Variants in ZBTB41 observed in about 807,000 individuals in gnomAD.
The protein encoded by ZBTB41 is zinc finger and BTB domain containing 41.
ZBTB41 carries 42 observed loss-of-function variants against 87.6 expected under a neutral mutation model. That is an observed-to-expected ratio of 0.48 (90% CI 0.37 to 0.62). The LOEUF is 0.62. Ranked by LOEUF, ZBTB41 falls within the 20% of genes least tolerant of loss-of-function variation. ZBTB41 has a pLI of 0.00. For synonymous variants in ZBTB41, 364 were observed against 364.0 expected (o/e 1.00, Z 0.00); for missense variants, 799 against 1,078.9 (o/e 0.74, Z 3.63).
chr1:197,188,294 A>C lies in ZBTB41; in HGVS notation c.1544T>G (p.Leu515Arg). The C allele has an allele frequency of 6.2e-7, 1 of 1,612,790 alleles. No individual in the cohort carries two copies. The highest frequency in any genetic ancestry group is 8.5e-7 in the Non-Finnish European group (1 of 1,179,666). The change falls in exon 5 of 11, where the codon CTG becomes CGG. Residue 515 changes from leucine to arginine, a missense_variant and splice_region_variant. Leu to Arg is a moderately radical substitution (Grantham distance 102, BLOSUM62 -2). Transcript: ENST00000367405. ...ARLKHQEKFH[L>R]GPFPCDICGR... ...TTAAGAAAAAGTAACTTGCTTACCCAGATGGAACTTTTCTTGATGCTTTAA... is the reference window on the plus strand; with the variant it reads ...TTAAGAAAAAGTAACTTGCTTACCCCGATGGAACTTTTCTTGATGCTTTAA...
rs1227194597 is a variant in ZBTB41 at position 197,156,969 on chromosome 1, T to G, written c.*2390A>C. ...CCTCAAATTCTTTATAAAGTGGGAA[T>G]ATAGCTTGTTTTTACTATTTCAGGG... On this transcript the variant is annotated 3_prime_UTR_variant, in exon 11 of 11. Coordinates refer to ENST00000367405, the MANE Select transcript of ZBTB41 (RefSeq NM_194314.3). The G allele has an allele frequency of 6.6e-6, 1 of 152,172 alleles. No individual in the cohort carries two copies. The highest frequency in any genetic ancestry group is 1.5e-5 in the Non-Finnish European group (1 of 67,696). 9.4% of individuals were successfully genotyped at this position (152,172 alleles called of 1,614,324 possible). A position where few individuals can be genotyped will look rare whatever the true frequency, so the allele number is the denominator to read the frequency against.
intron 2 of ZBTB41, among the ~76,000 whole-genome samples, chr1:197,193,897 T>A (rs1289139875): frequency 6.6e-6 from 1 of 152,244 alleles, no homozygotes; most frequent in East Asian, 1.9e-4. Flanking sequence ...GATTTTTTAA[T>A]AACTAAACTT....
rs149874901 is a variant in ZBTB41, at chr1:197,169,001, C to T, written c.2074+3159G>A. On this transcript the variant is annotated intron_variant, in intron 10 of 10. Coordinates refer to ENST00000367405, the MANE Select transcript of ZBTB41 (RefSeq NM_194314.3). The stretch of plus-strand genomic sequence containing the variant: ...AGAACAGGTATTCAACATCAATACT[C>T]ATCACAGAGGTGCAAATCGAAGCCA... 2.8e-3 allele frequency among the ~76,000 whole-genome samples: 427 copies of T among 152,028 alleles called. 2 individuals carry two copies. Among genetic ancestry groups the T allele is most frequent in the Non-Finnish European group, 4.4e-3 (300 of 67,914 alleles).
intron 10 of ZBTB41, among the ~76,000 whole-genome samples, chr1:197,163,052 A>T (rs1170707046): frequency 6.6e-6 from 1 of 152,218 alleles, no homozygotes; most frequent in Non-Finnish European, 1.5e-5. Flanking sequence ...ATACTGGGAG[A>T]CAGAGATTAG....
chr1:197,160,116 T>A, intron 10 of ZBTB41, 102 bp from the exon 11 acceptor site: 1 of 828,654 alleles, frequency 1.2e-6, no homozygotes, highest in Non-Finnish European at 1.9e-6. Context: ...TTGCCAGAAC[T>A]TGATAATAGC....
chr1:197,160,246 T>C (rs1659167404), intron 10 of ZBTB41, among the ~76,000 whole-genome samples: 1 of 152,124 alleles, frequency 6.6e-6, no homozygotes, highest in Non-Finnish European at 1.5e-5. Context: ...AGCCAAACAT[T>C]GAGCAAGCTA....
intron 10 of ZBTB41, among the ~76,000 whole-genome samples, chr1:197,169,222 C>A (rs1424439944): frequency 2.0e-5 from 3 of 151,624 alleles, no homozygotes; most frequent in African/African-American, 4.8e-5. Context: ...AATCCTAGGG[C>A]CATGAATATA....
In ZBTB41 at chr1:197,159,396, C is replaced by T. The variant is rs1290625518; in HGVS notation, c.2693G>A (p.Gly898Asp). 6.2e-7 allele frequency: 1 copy of T among 1,613,622 alleles called. No individual in the cohort carries two copies. The highest frequency in any genetic ancestry group is 8.5e-7 in the Non-Finnish European group (1 of 1,179,754). ...GTLLGLDSTT[G>D]VQNISTNEHH... ...CTCATTCGTAGAAATATTTTGAACA[C>T]CAGTAGTGCTATCAAGGCCCAGTAA... Residue 898 changes from glycine (G) to aspartate (D), a missense_variant, in exon 11 of 11, where the codon GGT becomes GAT. Physicochemically the swap from Gly to Asp is moderately conservative, Grantham distance 94 (BLOSUM62 -1). Coordinates refer to ENST00000367405, the MANE Select transcript of ZBTB41 (RefSeq NM_194314.3).
At chr1:197,200,709 T>C (rs188987116) in intron 1 of ZBTB41, among the ~76,000 whole-genome samples, 119 bp from the exon 2 acceptor site, 2 of 152,316 alleles carry the variant, frequency 1.3e-5, no homozygotes, top group Non-Finnish European at 2.9e-5. Flanking sequence ...AATCACAGCT[T>C]ACACTCATTC....
At chr1:197,171,497 G>A (rs1298927376) in intron 10 of ZBTB41, among the ~76,000 whole-genome samples, 1 of 151,968 alleles carries the variant, frequency 6.6e-6, no homozygotes, top group Admixed American at 6.6e-5. Context: ...GTTTCTTAAG[G>A]AAAACAAGGT....
intron 1 of ZBTB41, among the ~76,000 whole-genome samples, chr1:197,200,845 C>T (rs1005671995): frequency 6.6e-6 from 1 of 152,138 alleles, no homozygotes; most frequent in Admixed American, 6.5e-5. Flanking sequence ...GTGAAAATAC[C>T]CGGGCAGAAA....
chr1:197,184,362 C>A (rs1179925262), intron 5 of ZBTB41, among the ~76,000 whole-genome samples: 1 of 152,146 alleles, frequency 6.6e-6, no homozygotes, highest in Non-Finnish European at 1.5e-5. Flanking sequence ...GATTAAGAAT[C>A]CCTTGTTGCG....
Position 197,188,307 on chromosome 1 carries a change from C to G in ZBTB41, c.1531G>C (p.Glu511Gln). 1 of 1,612,420 alleles carries G rather than the reference C, an allele frequency of 6.2e-7. No homozygotes were observed. The highest frequency in any genetic ancestry group is 1.1e-5 in the South Asian group (1 of 90,574). Residue 511 changes from glutamate to glutamine, a missense_variant, in exon 5 of 11, where the codon GAA (glutamate) becomes CAA (glutamine). Glu to Gln is a conservative substitution (Grantham distance 29). Coordinates refer to ENST00000367405, the MANE Select transcript of ZBTB41 (RefSeq NM_194314.3). ...ACTTGCTTACCCAGATGGAACTTTT[C>G]TTGATGCTTTAACCGAGCAAACCGT... ...KSRFARLKHQ[E>Q]KFHLGPFPCD...
intron 2 of ZBTB41, among the ~76,000 whole-genome samples, chr1:197,195,542 A>C (rs1571670683): frequency 6.6e-6 from 1 of 152,330 alleles, no homozygotes; most frequent in East Asian, 1.9e-4. Context: ...TGCCATTGTT[A>C]TAACCCTTTT....
rs1557979962 is a variant in ZBTB41 at position 197,176,558 on chromosome 1, G to A, written c.1879+6C>T. On this transcript the variant is annotated splice_donor_region_variant and intron_variant, in intron 8 of 10. Transcript: ENST00000367405. ...TTTCGAACTAGCATTACAAAATATG[G>A]TATACCTGAATGTATTTTTTTGTGC... 3 of 1,596,318 alleles carry A rather than the reference G, an allele frequency of 1.9e-6. No homozygotes were observed. Among genetic ancestry groups the A allele is most frequent in the African/African-American group, 1.3e-5 (1 of 74,358 alleles).
chr1:197,179,522 TA>T (rs370589572), intron 6 of ZBTB41, among the ~76,000 whole-genome samples: 6 of 149,148 alleles, frequency 4.0e-5, no homozygotes, highest in East Asian at 2.0e-4. Flanking sequence ...TTCTACTTAT[TA>T]AAAAAAAAAG....
At chr1:197,177,279 T>A (rs997858711) in intron 7 of ZBTB41, among the ~76,000 whole-genome samples, 3 of 152,096 alleles carry the variant, frequency 2.0e-5, no homozygotes, top group African/African-American at 4.8e-5. Context: ...TTAAAAGTGT[T>A]CCAGCAGTTG....
intron 10 of ZBTB41, among the ~76,000 whole-genome samples, chr1:197,163,552 A>T (rs1659247986): frequency 1.3e-5 from 2 of 152,038 alleles, no homozygotes; most frequent in Admixed American, 1.3e-4. Flanking sequence ...ATATTTAAAA[A>T]GAAAATGGCC....
chr1:197,172,247 ATC>A lies in ZBTB41; in HGVS notation c.1986-1_1986del. Reference sequence around the variant, plus strand: ...TCACATTGATGAAATGTTGCTTTATATCTAAGAAAATAAAAAGATTTGAGTTT... The same window carrying A: ...TCACATTGATGAAATGTTGCTTTATATAAGAAAATAAAAAGATTTGAGTTT... On this transcript the variant is annotated splice_acceptor_variant and coding_sequence_variant, in exon 10 of 11. Transcript: ENST00000367405. LOFTEE classifies it high-confidence loss of function. 8.1e-7 allele frequency: 1 copy of A among 1,227,682 alleles called. No individual in the cohort carries two copies. The highest frequency in any genetic ancestry group is 1.1e-6 in the Non-Finnish European group (1 of 925,040). The allele number at this position is 1,227,682 out of a possible 1,614,324, so 76.0% of individuals were successfully genotyped here. A position where few individuals can be genotyped will look rare whatever the true frequency, so the allele number is the denominator to read the frequency against.
Sources: gnomAD v4.1 joint callset for allele counts (sites outside exome capture counted in the v4.1 genomes callset) on GRCh38, gnomAD v4.1.1 for gene constraint, MANE v1.5 for transcripts, NCBI Gene and HGNC (gene_info 2026-07-23, HGNC 2026-07-21) for gene names.